Variants in ADAM12 observed in about 807,000 individuals in gnomAD.
ADAM12 encodes disintegrin and metalloproteinase domain-containing protein 12.
A neutral mutation model predicts 106.4 loss-of-function variants in ADAM12; 70 were observed. The observed-to-expected ratio is 0.66, with a 90% confidence interval of 0.54 to 0.80. ADAM12 has a LOEUF of 0.80. Among genes scored for constraint, ADAM12 ranks in the 30% least tolerant of loss-of-function variants. ADAM12 has a pLI of 0.00. For synonymous variants in ADAM12, 420 were observed against 433.5 expected (o/e 0.97, Z 0.39); for missense variants, 1,010 against 1,171.9 (o/e 0.86, Z 2.02).
chr10:126,105,946 C>T (rs2133590981), intron 8 of ADAM12, among the ~76,000 whole-genome samples: 1 of 152,334 alleles, frequency 6.6e-6, no homozygotes, highest in South Asian at 2.1e-4. Context: ...ATATCAACGG[C>T]CATGTGGGTT....
At chr10:126,108,411 G>T (rs1370425165) in intron 8 of ADAM12, among the ~76,000 whole-genome samples, 182 bp downstream of exon 8, 4 of 152,182 alleles carry the variant, frequency 2.6e-5, no homozygotes, top group Non-Finnish European at 5.9e-5. Context: ...GACTGCTGTG[G>T]TTTGGCATCT....
chr10:126,318,922 G>A (rs1045298562), intron 2 of ADAM12, among the ~76,000 whole-genome samples: 3 of 152,118 alleles, frequency 2.0e-5, no homozygotes, highest in African/African-American at 7.2e-5. Context: ...CATGTTCAGG[G>A]GAACTGCCCT....
Position 126,329,635 on chromosome 10 carries a change from T to A in ADAM12, c.186+777A>T, listed in dbSNP as rs1228009200. Among the ~76,000 whole-genome samples the A allele has an allele frequency of 2.0e-5, 3 of 152,166 alleles. No individual in the cohort carries two copies. The South Asian group carries it at 6.2e-4, about 31-fold the overall frequency. On this transcript the variant is annotated intron_variant, in intron 2 of 22. Coordinates refer to ENST00000448723, the MANE Select transcript of ADAM12 (RefSeq NM_001288973.2). ...CAGTTTCCAAGGTAAGCTCCCTAGA[T>A]GGAAATCACCTTATCATTACTCATA...
intron 3 of ADAM12, among the ~76,000 whole-genome samples, chr10:126,189,143 A>C (rs1414844783): frequency 6.6e-6 from 1 of 152,198 alleles, no homozygotes; most frequent in Admixed American, 6.5e-5. Context: ...CCCTGGACTT[A>C]AGGAATGAAG....
At chr10:126,361,041 G>A (rs1039642250) in intron 1 of ADAM12, among the ~76,000 whole-genome samples, 3 of 152,154 alleles carry the variant, frequency 2.0e-5, no homozygotes, top group African/African-American at 2.4e-5. Flanking sequence ...CAGATCTCGT[G>A]AGGCTTATTC....
intron 22 of ADAM12, 137 bp from the exon 23 acceptor site, chr10:126,017,476 G>A (rs1953681276): frequency 2.6e-6 from 2 of 768,266 alleles, no homozygotes; most frequent in East Asian, 2.8e-5. Flanking sequence ...CCTCATAACG[G>A]GGGTGGGAAA....
At chr10:126,368,644 T>TTTC (rs1554876361) in intron 1 of ADAM12, among the ~76,000 whole-genome samples, 2 of 104,100 alleles carry the variant, frequency 1.9e-5, no homozygotes, top group Non-Finnish European at 2.4e-5. Flanking sequence ...CTGATGTAAG[T>TTTC]TTGTTGTTGT....
intron 2 of ADAM12, among the ~76,000 whole-genome samples, chr10:126,329,129 T>TA (rs59399247): frequency 0.18 from 26,022 of 145,524 alleles, 2,604 homozygotes; most frequent in Middle Eastern, 0.31. Context: ...AACAAATACT[T>TA]AAAAAAAAAA....
At chr10:126,330,619 C>A in intron 1 of ADAM12, 110 bp from the exon 2 acceptor site, 1 of 923,582 alleles carries the variant, frequency 1.1e-6, no homozygotes, top group Non-Finnish European at 1.7e-6. Flanking sequence ...TTAAATAAGC[C>A]CAGGGAAACA....
At chr10:126,381,453 A>G (rs1375237700) in intron 1 of ADAM12, among the ~76,000 whole-genome samples, 1 of 152,108 alleles carries the variant, frequency 6.6e-6, no homozygotes, top group Non-Finnish European at 1.5e-5. Context: ...GCCTGAGGCA[A>G]TAGAGTGAGA....
chr10:126,156,483 GT>G, intron 3 of ADAM12, among the ~76,000 whole-genome samples: 1 of 152,204 alleles, frequency 6.6e-6, no homozygotes, highest in Non-Finnish European at 1.5e-5. Context: ...AGAAAATTCT[GT>G]AACGGGGATC....
At chr10:126,340,199 C>T (rs1376770997) in intron 1 of ADAM12, among the ~76,000 whole-genome samples, 1 of 152,184 alleles carries the variant, frequency 6.6e-6, no homozygotes, top group South Asian at 2.1e-4. Context: ...ATAATGGACA[C>T]ATTCTCTGCC....
chr10:126,111,565 T>C (rs572435115), intron 6 of ADAM12, among the ~76,000 whole-genome samples: 60 of 152,374 alleles, frequency 3.9e-4, no homozygotes, highest in African/African-American at 1.4e-3. Context: ...AGGAATCTGG[T>C]TGTTTAGACG....
chr10:126,281,205 A>G (rs1959562916), intron 2 of ADAM12, among the ~76,000 whole-genome samples: 1 of 152,144 alleles, frequency 6.6e-6, no homozygotes, highest in African/African-American at 2.4e-5. Flanking sequence ...ATATGTCTCA[A>G]TATTCTGTCA....
intron 1 of ADAM12, among the ~76,000 whole-genome samples, chr10:126,334,092 G>A (rs1254901685): frequency 6.6e-6 from 1 of 152,034 alleles, no homozygotes; most frequent in Non-Finnish European, 1.5e-5. Context: ...TTTAGATGAT[G>A]CAAATAAAAA....
intron 3 of ADAM12, among the ~76,000 whole-genome samples, chr10:126,259,069 A>G (rs945696272): frequency 6.6e-6 from 1 of 152,122 alleles, no homozygotes; most frequent in Non-Finnish European, 1.5e-5. Flanking sequence ...GATATTTCCT[A>G]TGCCTTAGAC....
intron 11 of ADAM12, among the ~76,000 whole-genome samples, chr10:126,077,004 C>A (rs933944589): frequency 6.6e-6 from 1 of 152,118 alleles, no homozygotes; most frequent in African/African-American, 2.4e-5. Flanking sequence ...ATAGAAAATG[C>A]TAAAAATTCT....
intron 5 of ADAM12, among the ~76,000 whole-genome samples, chr10:126,124,342 T>C (rs552929981): frequency 1.3e-5 from 2 of 152,004 alleles, no homozygotes; most frequent in South Asian, 2.1e-4. Flanking sequence ...TCTCACCCCA[T>C]ACATGTTTGA....
chr10:126,060,421 G>A (rs1188116849), intron 14 of ADAM12, among the ~76,000 whole-genome samples: 1 of 152,132 alleles, frequency 6.6e-6, no homozygotes, highest in African/African-American at 2.4e-5. Context: ...CAGCAACTCG[G>A]GCAAGGTCAC....
Sources: allele counts gnomAD v4.1 joint callset (sites outside exome capture counted in the v4.1 genomes callset), GRCh38; gene constraint gnomAD v4.1.1; transcripts MANE v1.5; gene names NCBI Gene and HGNC (gene_info 2026-07-23, HGNC 2026-07-21).